ADARB1: variants seen among roughly 807,000 people sequenced by gnomAD.
The protein encoded by ADARB1 is double-stranded RNA-specific editase 1.
In ADARB1, 10 loss-of-function variants were observed where a neutral mutation model predicts 52.4. The observed-to-expected ratio is 0.19, with a 90% confidence interval of 0.12 to 0.32. The LOEUF is 0.32. ADARB1 is among the 10% of genes least tolerant of loss of function. The pLI, the probability that ADARB1 is intolerant of heterozygous loss-of-function variation, is 1.00. For missense variants in ADARB1, 643 were observed against 922.3 expected (o/e 0.70, Z 3.92); for synonymous variants, 349 against 371.1 (o/e 0.94, Z 0.68).
At chr21:45,113,652 C>T (rs1452882949) in intron 1 of ADARB1, among the ~76,000 whole-genome samples, 2 of 151,998 alleles carry the variant, frequency 1.3e-5, no homozygotes. Flanking sequence ...TAGGAAGCTG[C>T]CCTGAGAGTT....
At chr21:45,100,216 A>T (rs2086940090) in intron 1 of ADARB1, among the ~76,000 whole-genome samples, 1 of 152,218 alleles carries the variant, frequency 6.6e-6, no homozygotes, top group Non-Finnish European at 1.5e-5. Flanking sequence ...GCTCTTTGGA[A>T]CTAGGTTGAA....
At chr21:45,120,405 C>T (rs1477322506) in intron 1 of ADARB1, among the ~76,000 whole-genome samples, 1 of 152,196 alleles carries the variant, frequency 6.6e-6, no homozygotes, top group Non-Finnish European at 1.5e-5. Context: ...TCATTGTCTT[C>T]CTGAAGCCCA....
At chr21:45,215,326 G>T in intron 9 of ADARB1, among the ~76,000 whole-genome samples, 1 of 152,170 alleles carries the variant, frequency 6.6e-6, no homozygotes, top group East Asian at 1.9e-4. Context: ...GAGATTATAG[G>T]AATGATCCAC....
intron 1 of ADARB1, among the ~76,000 whole-genome samples, chr21:45,097,886 A>G (rs985079430): frequency 2.6e-5 from 4 of 152,178 alleles, no homozygotes; most frequent in African/African-American, 4.8e-5. Flanking sequence ...CCTGCTAGGC[A>G]GCCTCGCCCT....
At chr21:45,169,934 G>T (rs2091414000) in intron 2 of ADARB1, among the ~76,000 whole-genome samples, 2 of 152,210 alleles carry the variant, frequency 1.3e-5, no homozygotes, top group Non-Finnish European at 1.5e-5. Flanking sequence ...GCTCCTGGGA[G>T]CACCCACAGC....
intron 8 of ADARB1, 139 bp downstream of exon 8, chr21:45,185,230 C>T: frequency 8.4e-7 from 1 of 1,189,706 alleles, no homozygotes; most frequent in Non-Finnish European, 1.2e-6. Context: ...CTTTGAAGGA[C>T]TGAGGTTCTA....
At chr21:45,159,316 C>T (rs1053248554) in intron 2 of ADARB1, among the ~76,000 whole-genome samples, 9 of 152,128 alleles carry the variant, frequency 5.9e-5, no homozygotes, top group South Asian at 2.1e-4. Context: ...TTCACTACCA[C>T]GAGAACAGTA....
intron 1 of ADARB1, among the ~76,000 whole-genome samples, chr21:45,081,372 A>G (rs994365284): frequency 2.6e-5 from 4 of 152,220 alleles, no homozygotes. Context: ...CCATACAGTC[A>G]TTCTGTTTTT....
intron 9 of ADARB1, among the ~76,000 whole-genome samples, chr21:45,216,910 T>C (rs2092874377): frequency 6.6e-6 from 1 of 152,016 alleles, no homozygotes; most frequent in Non-Finnish European, 1.5e-5. Flanking sequence ...TGTAGGATTG[T>C]TGGTTTATCT....
chr21:45,163,302 G>A (rs2091076299), intron 2 of ADARB1, among the ~76,000 whole-genome samples: 1 of 152,198 alleles, frequency 6.6e-6, no homozygotes, highest in South Asian at 2.1e-4. Flanking sequence ...AAGGCAACAG[G>A]GCACAGGTAA....
rs535788849 is a variant in ADARB1 at position 45,224,695 on chromosome 21, G to A, written c.*2498G>A. The A allele has an allele frequency of 5.9e-3, 5,735 of 976,014 alleles. 24 individuals carry two copies. The highest frequency in any genetic ancestry group is 6.6e-3 in the Non-Finnish European group (5,387 of 821,178). The allele number at this position is 976,014 out of a possible 1,614,324, so 60.5% of individuals were successfully genotyped here. A position where few individuals can be genotyped will look rare whatever the true frequency, so the allele number is the denominator to read the frequency against. On this transcript the variant is annotated 3_prime_UTR_variant, in exon 11 of 11. Coordinates refer to ENST00000348831, the MANE Select transcript of ADARB1 (RefSeq NM_001112.4). ...CCCTGGGCCGGGGCAGGGGGCGGCT[G>A]TAGGAAGGAACTGGTTTCGGGGAGC...
In ADARB1 at chr21:45,157,019, T is replaced by C. The variant is rs2090693009; in HGVS notation, c.-47-14591T>C. Reference sequence around the variant, plus strand: ...CAAGTAAGGAAAGTTGAACCCCCAGTGGACAGCAGCGTTATGGATAGAAGG... The same window carrying C: ...CAAGTAAGGAAAGTTGAACCCCCAGCGGACAGCAGCGTTATGGATAGAAGG... On this transcript the variant is annotated intron_variant, in intron 2 of 10. Coordinates refer to ENST00000348831, the MANE Select transcript of ADARB1 (RefSeq NM_001112.4). This position sits in a 1 kb window ranked among gnomAD's most constrained non-coding sequence, Gnocchi z 4.1. Among the ~76,000 whole-genome samples the C allele has an allele frequency of 6.6e-6, 1 of 152,216 alleles. No homozygotes were observed. Among genetic ancestry groups the C allele is most frequent in the Non-Finnish European group, 1.5e-5 (1 of 68,030 alleles).
At chr21:45,214,041 T>C (rs563982170) in intron 9 of ADARB1, among the ~76,000 whole-genome samples, 1 of 152,358 alleles carries the variant, frequency 6.6e-6, no homozygotes, top group East Asian at 1.9e-4. Context: ...CTGTCACTTA[T>C]ATGCCGGCAC....
At chr21:45,134,668 T>G (rs1214959545) in intron 2 of ADARB1, 1 of 451,284 alleles carries the variant, frequency 2.2e-6, no homozygotes, top group Non-Finnish European at 4.5e-6. Flanking sequence ...CAGTAGAATT[T>G]GGGGCAAAAG....
At chr21:45,094,800 T>C (rs1013727504) in intron 1 of ADARB1, among the ~76,000 whole-genome samples, 5 of 152,098 alleles carry the variant, frequency 3.3e-5, no homozygotes, top group Non-Finnish European at 5.9e-5. Context: ...CAGATGTCTG[T>C]ATATCAAGTA....
intron 1 of ADARB1, among the ~76,000 whole-genome samples, chr21:45,096,512 C>G (rs2086767812): frequency 1.3e-5 from 2 of 152,218 alleles, no homozygotes; most frequent in South Asian, 4.1e-4. Flanking sequence ...CCAGTGCTCC[C>G]CCTTCATCAT....
chr21:45,213,870 T>C lies in ADARB1; in HGVS notation c.1748-6966T>C, dbSNP rs1004423355. ...GCTGAGAACATTTCTGTACAAATCT[T>C]TGGGCGCTTACTTCCATTTCTCTTT... On this transcript the variant is annotated intron_variant, in intron 9 of 10. Coordinates refer to ENST00000348831, the MANE Select transcript of ADARB1 (RefSeq NM_001112.4). 3.6e-4 allele frequency among the ~76,000 whole-genome samples: 55 copies of C among 152,358 alleles called. 1 individual carries two copies. Among genetic ancestry groups the C allele is most frequent in the South Asian group, 1.0e-3 (5 of 4,824 alleles).
intron 2 of ADARB1, among the ~76,000 whole-genome samples, chr21:45,155,819 CCAT>C (rs2090542136): frequency 7.5e-6 from 1 of 132,860 alleles, no homozygotes; most frequent in Non-Finnish European, 1.6e-5. Flanking sequence ...TACCCATTAT[CCAT>C]CATCCATCCA....
rs2092535550 is a variant in ADARB1 at position 45,200,711 on chromosome 21, T to G, written c.1566-3844T>G. The stretch of plus-strand genomic sequence containing the variant: ...GGGGCATCTCTGGCTGGTCCTGGGT[T>G]GAAAGCAGGAAGGAATGGGCGTGGG... On this transcript the variant is annotated intron_variant, in intron 8 of 10. Transcript: ENST00000348831. This position sits in a 1 kb window ranked among gnomAD's most constrained non-coding sequence, Gnocchi z 5.0. 6.6e-6 allele frequency among the ~76,000 whole-genome samples: 1 copy of G among 152,110 alleles called. No homozygotes were observed. Among genetic ancestry groups the G allele is most frequent in the Admixed American group, 6.5e-5 (1 of 15,284 alleles).
Sources: allele counts gnomAD v4.1 joint callset (sites outside exome capture counted in the v4.1 genomes callset), GRCh38; gene constraint gnomAD v4.1.1; non-coding constraint Gnocchi (gnomAD v3.1); transcripts MANE v1.5; gene names NCBI Gene and HGNC (gene_info 2026-07-23, HGNC 2026-07-21).